Variants in NFIA observed in about 807,000 individuals in gnomAD.
NFIA encodes nuclear factor I A, also known as nuclear factor 1 A-type.
Under a neutral mutation model 62.8 loss-of-function variants are expected in NFIA, and 8 were observed. The ratio of observed to expected loss-of-function variants is 0.13; its 90% CI spans 0.07 to 0.23. NFIA has a LOEUF of 0.23. NFIA is among the 10% of genes least tolerant of loss of function. The probability of loss-of-function intolerance (pLI) is 1.00; values close to 1 mark genes in which losing one functional copy is unlikely to be tolerated. For missense variants in NFIA, 410 were observed against 642.1 expected (o/e 0.64, Z 3.91); for synonymous variants, 235 against 238.1 (o/e 0.99, Z 0.12).
chr1:61,087,997 C>A, intron 1 of NFIA, 152 bp from the exon 2 acceptor site: 1 of 711,470 alleles, frequency 1.4e-6, no homozygotes. Context: ...CCAGACTTCC[C>A]ATAGGATCCT....
intron 6 of NFIA, among the ~76,000 whole-genome samples, chr1:61,366,455 A>G (rs998508199): frequency 1.3e-5 from 2 of 152,216 alleles, no homozygotes; most frequent in African/African-American, 4.8e-5. Context: ...GGGATTGTAA[A>G]ACAATTAACA....
chr1:61,153,169 A>T (rs916794369), intron 2 of NFIA, among the ~76,000 whole-genome samples: 2 of 152,256 alleles, frequency 1.3e-5, no homozygotes, highest in African/African-American at 4.8e-5. Flanking sequence ...CTGCCGGCAC[A>T]GTGTTTTCAA....
rs143998183 is a variant in NFIA at position 61,173,007 on chromosome 1, G to A, written c.559+84327G>A. Among the ~76,000 whole-genome samples, 1,391 of 152,266 alleles carry A rather than the reference G, an allele frequency of 9.1e-3. 17 individuals are homozygous for A. Among genetic ancestry groups the A allele is most frequent in the Middle Eastern group, 0.061 (18 of 294 alleles). On this transcript the variant is annotated intron_variant, in intron 2 of 10. Coordinates refer to ENST00000403491, the MANE Select transcript of NFIA (RefSeq NM_001134673.4). ...CAACTCCATTAGGGTAGAGAGGGCAGGTATTGTTACCTCCAAATTACAGAT... is the reference window on the plus strand; with the variant it reads ...CAACTCCATTAGGGTAGAGAGGGCAAGTATTGTTACCTCCAAATTACAGAT...
chr1:61,124,352 C>A (rs1646934299), intron 2 of NFIA, among the ~76,000 whole-genome samples: 5 of 152,146 alleles, frequency 3.3e-5, no homozygotes, highest in Admixed American at 2.6e-4. Flanking sequence ...CCAGGTCTTA[C>A]AATGGAAACA....
intron 2 of NFIA, among the ~76,000 whole-genome samples, chr1:61,232,288 C>A (rs1012248314): frequency 1.3e-5 from 2 of 152,062 alleles, no homozygotes; most frequent in Non-Finnish European, 2.9e-5. Context: ...TATGAATAAT[C>A]CAAGTTTACA....
At chr1:61,411,784 T>C (rs1666115331) in intron 9 of NFIA, among the ~76,000 whole-genome samples, 1 of 151,302 alleles carries the variant, frequency 6.6e-6, no homozygotes, top group African/African-American at 2.4e-5. Flanking sequence ...GAAGGGCAAA[T>C]TTGAACAAAG....
chr1:61,406,487 C>A (rs545634784), intron 8 of NFIA, 75 bp from the exon 9 acceptor site: 4 of 1,286,122 alleles, frequency 3.1e-6, no homozygotes, highest in East Asian at 5.0e-5. Flanking sequence ...ATTTTGTTTT[C>A]AGAAGCAGCT....
upstream of NFIA, chr1:61,077,379 CGAGAGCGAGACAGTGAGAGAGGGA>C (rs895904339): frequency 2.9e-5 from 11 of 379,182 alleles, no homozygotes; most frequent in Non-Finnish European, 3.7e-5. Context: ...AGCGAGCGAG[CGAGAGCGAGACAGTGAGAGAGGGA>C]GAGAGCGCGC....
chr1:61,402,927 T>C (rs1665642795), intron 7 of NFIA, among the ~76,000 whole-genome samples: 1 of 152,182 alleles, frequency 6.6e-6, no homozygotes, highest in Non-Finnish European at 1.5e-5. Flanking sequence ...AAAGAACCTA[T>C]GCCCAGCAAC....
At chr1:61,332,072 G>A (rs994323173) in intron 3 of NFIA, among the ~76,000 whole-genome samples, 4 of 152,134 alleles carry the variant, frequency 2.6e-5, no homozygotes, top group Non-Finnish European at 5.9e-5. Context: ...TTTAAATCTT[G>A]TTTGAGTTAA....
intron 9 of NFIA, among the ~76,000 whole-genome samples, chr1:61,416,505 T>A (rs1317516934): frequency 6.6e-6 from 1 of 152,152 alleles, no homozygotes; most frequent in Non-Finnish European, 1.5e-5. Flanking sequence ...AGCATTTTCA[T>A]TCACAGTAGC....
At chr1:61,162,813 C>CA (rs1179716944) in intron 2 of NFIA, among the ~76,000 whole-genome samples, 3 of 148,874 alleles carry the variant, frequency 2.0e-5, no homozygotes, top group Admixed American at 2.0e-4. Flanking sequence ...AAAACTCTTT[C>CA]AACCTTTTTT....
Position 61,326,641 on chromosome 1 carries a change from C to T in NFIA, c.626-5871C>T, listed in dbSNP as rs114792025. Among the ~76,000 whole-genome samples, 319 of 152,248 alleles carry T rather than the reference C, an allele frequency of 2.1e-3. 3 individuals are homozygous for T. Among genetic ancestry groups the T allele is most frequent in the African/African-American group, 7.4e-3 (307 of 41,536 alleles). ...CTAATGTGAGAAAAAGACAAAGTTACAATCACGTACGGCAGGTCCCAGGTG... is the reference window on the plus strand; with the variant it reads ...CTAATGTGAGAAAAAGACAAAGTTATAATCACGTACGGCAGGTCCCAGGTG... On this transcript the variant is annotated intron_variant, in intron 3 of 10. Transcript: ENST00000403491.
chr1:61,351,197 G>T (rs1662532298), intron 4 of NFIA, among the ~76,000 whole-genome samples: 1 of 152,178 alleles, frequency 6.6e-6, no homozygotes, highest in South Asian at 2.1e-4. Flanking sequence ...CTCATTGTAA[G>T]TTGAGCACCT....
intron 2 of NFIA, among the ~76,000 whole-genome samples, chr1:61,147,570 T>C (rs1570262873): frequency 1.3e-5 from 2 of 152,246 alleles, no homozygotes; most frequent in South Asian, 4.1e-4. Context: ...TATTTAAAAA[T>C]TTTAAATTAG....
intron 9 of NFIA, among the ~76,000 whole-genome samples, chr1:61,411,663 C>T (rs1444514142): frequency 1.3e-5 from 2 of 151,472 alleles, no homozygotes; most frequent in South Asian, 2.1e-4. Context: ...ATAGTGAGTA[C>T]GAAAGGTACG....
chr1:61,155,658 CG>C lies in NFIA; in HGVS notation c.559+66979del, dbSNP rs1437788315. 1.7e-3 allele frequency among the ~76,000 whole-genome samples: 191 copies of C among 110,688 alleles called. 1 individual carries two copies. Among genetic ancestry groups the C allele is most frequent in the South Asian group, 1.2e-3 (4 of 3,228 alleles). The allele number at this position is 110,688 out of a possible 152,430, so 72.6% of individuals were successfully genotyped here. A position where few individuals can be genotyped will look rare whatever the true frequency, so the allele number is the denominator to read the frequency against. ...ACTGCAGTCCGCAGTCCGGCCTGGG[CG>C]ACAGAGCGAGACTCCATCTCAAAAA... On this transcript the variant is annotated intron_variant, in intron 2 of 10. Transcript: ENST00000403491.
At chr1:61,156,542 G>A (rs1010036711) in intron 2 of NFIA, among the ~76,000 whole-genome samples, 2 of 152,200 alleles carry the variant, frequency 1.3e-5, no homozygotes, top group South Asian at 4.1e-4. Flanking sequence ...ATACCGGGTA[G>A]TTTAAAATGA....
upstream of NFIA, chr1:61,082,094 A>T: frequency 6.7e-7 from 1 of 1,490,470 alleles, no homozygotes; most frequent in Non-Finnish European, 9.0e-7. Flanking sequence ...GACGAGGAAA[A>T]GTAGTTTTGT....
Sources: gnomAD v4.1 joint callset for allele counts (sites outside exome capture counted in the v4.1 genomes callset) on GRCh38, gnomAD v4.1.1 for gene constraint, MANE v1.5 for transcripts, NCBI Gene and HGNC (gene_info 2026-07-23, HGNC 2026-07-21) for gene names.